The following RERE variants were observed in gnomAD, a reference collection of about 807,000 sequenced individuals.
RERE encodes arginine-glutamic acid dipeptide repeats protein.
RERE carries 40 observed loss-of-function variants against 146.1 expected under a neutral mutation model. The observed-to-expected ratio is 0.27, with a 90% CI of 0.21 to 0.36. The LOEUF is 0.36. RERE is among the 10% of genes least tolerant of loss of function. The probability of loss-of-function intolerance (pLI) is 1.00; values close to 1 mark genes in which losing one functional copy is unlikely to be tolerated. For synonymous variants in RERE, 1,003 were observed against 866.0 expected, an observed-to-expected ratio of 1.16 and a Z score of -2.78; for missense variants, 1,933 against 2,138.7, an observed-to-expected ratio of 0.90 and a Z score of 1.90.
At chr1:8,740,609 C>T (rs764915537) in intron 1 of RERE, among the ~76,000 whole-genome samples, 15 of 152,180 alleles carry the variant, frequency 9.9e-5, no homozygotes, top group Non-Finnish European at 4.4e-5. Flanking sequence ...TGCAGCTCTA[C>T]AAAGATATTT....
intron 1 of RERE, among the ~76,000 whole-genome samples, chr1:8,791,816 T>TAATA (rs1641368717): frequency 6.6e-6 from 1 of 152,284 alleles, no homozygotes; most frequent in African/African-American, 2.4e-5. Context: ...TATAACTCTT[T>TAATA]AAGAGTCAAA....
intron 15 of RERE, 91 bp downstream of exon 15, chr1:8,363,965 T>C (rs1357665800): frequency 8.2e-7 from 1 of 1,221,532 alleles, no homozygotes; most frequent in Admixed American, 1.9e-5. Flanking sequence ...TAAACAAGAC[T>C]TTCGCTTCCT....
At chr1:8,626,129 C>T (rs1004181198) in intron 2 of RERE, among the ~76,000 whole-genome samples, 1 of 152,180 alleles carries the variant, frequency 6.6e-6, no homozygotes, top group Non-Finnish European at 1.5e-5. Flanking sequence ...CAAGAGAATT[C>T]TTCCCACCAC....
At chr1:8,444,706 A>G (rs1644294641) in intron 11 of RERE, among the ~76,000 whole-genome samples, 1 of 152,140 alleles carries the variant, frequency 6.6e-6, no homozygotes, top group Non-Finnish European at 1.5e-5. Context: ...CTGTGCTTGC[A>G]ATAGTGAGTG....
At chr1:8,433,298 C>T (rs1644120260) in intron 11 of RERE, among the ~76,000 whole-genome samples, 1 of 152,170 alleles carries the variant, frequency 6.6e-6, no homozygotes, top group African/African-American at 2.4e-5. Context: ...TACAAAGAGA[C>T]AAGAGGAGGA....
intron 7 of RERE, among the ~76,000 whole-genome samples, chr1:8,510,552 G>C (rs1570367645): frequency 6.6e-6 from 1 of 152,294 alleles, no homozygotes; most frequent in South Asian, 2.1e-4. Flanking sequence ...GTATGTAAAG[G>C]AATCAAATCA....
intron 1 of RERE, among the ~76,000 whole-genome samples, chr1:8,705,678 G>A (rs1005466909): frequency 2.8e-4 from 43 of 152,248 alleles, no homozygotes; most frequent in African/African-American, 8.7e-4. Flanking sequence ...TGCTCATCAT[G>A]TAGATTTATG....
At chr1:8,733,556 A>T (rs556084194) in intron 1 of RERE, among the ~76,000 whole-genome samples, 1 of 152,334 alleles carries the variant, frequency 6.6e-6, no homozygotes, top group South Asian at 2.1e-4. Flanking sequence ...AGGCAGCCCT[A>T]TGAAGAGGTT....
chr1:8,567,666 G>A (rs1032258589), intron 4 of RERE, among the ~76,000 whole-genome samples: 2 of 152,204 alleles, frequency 1.3e-5, no homozygotes, highest in African/African-American at 4.8e-5. Context: ...ATTATATTGT[G>A]TATGAACACT....
In RERE at chr1:8,391,621, T is replaced by C. The variant is rs1480862200; in HGVS notation, c.1285-25647A>G. Among the ~76,000 whole-genome samples the C allele has an allele frequency of 2.6e-5, 4 of 152,008 alleles. No individual in the cohort carries two copies. The East Asian group carries it at 7.7e-4, about 29-fold the overall frequency. ...ACTGAAATATCTTCAGATATTCCTT[T>C]CTTAAGTTAGGTCCCCCTGTTATGA... On this transcript the variant is annotated intron_variant, in intron 12 of 22. Coordinates refer to ENST00000400908, the MANE Select transcript of RERE (RefSeq NM_001042681.2).
chr1:8,582,229 T>C (rs1308911768), intron 4 of RERE, among the ~76,000 whole-genome samples: 3 of 152,174 alleles, frequency 2.0e-5, no homozygotes, highest in African/African-American at 7.2e-5. Flanking sequence ...AGGGTCTTGC[T>C]GTGTTACCCA....
intron 12 of RERE, among the ~76,000 whole-genome samples, chr1:8,419,186 C>T (rs1643856004): frequency 6.6e-6 from 1 of 152,170 alleles, no homozygotes; most frequent in African/African-American, 2.4e-5. Context: ...ACAACCATGA[C>T]ACTAAAAGAT....
chr1:8,607,403 G>A (rs1007620687), intron 4 of RERE, among the ~76,000 whole-genome samples: 3 of 150,008 alleles, frequency 2.0e-5, no homozygotes, highest in Admixed American at 6.7e-5. Context: ...AAAATACTAC[G>A]ATATCCTAAA....
chr1:8,565,762 T>A (rs1258235047), intron 4 of RERE, among the ~76,000 whole-genome samples: 1 of 152,094 alleles, frequency 6.6e-6, no homozygotes, highest in Non-Finnish European at 1.5e-5. Context: ...CTATATATAT[T>A]ATCCATATAA....
chr1:8,813,362 A>G (rs568266288), intron 1 of RERE, among the ~76,000 whole-genome samples: 4 of 152,336 alleles, frequency 2.6e-5, no homozygotes, highest in Non-Finnish European at 4.4e-5. Context: ...ACTACTCTCA[A>G]AAGAACTTGG....
chr1:8,750,182 G>C lies in RERE; in HGVS notation c.-145+66978C>G, dbSNP rs564815222. On this transcript the variant is annotated intron_variant, in intron 1 of 22. Transcript: ENST00000400908. ...AAAAAAAAAAAAAGAATGGATTATA[G>C]AGTGATGAAAGTGGAAGACTGGAGA... Among the ~76,000 whole-genome samples, 40 of 146,002 alleles carry C rather than the reference G, an allele frequency of 2.7e-4. No homozygotes were observed. In the South Asian group the frequency reaches 8.7e-3, roughly 32 times the overall value.
chr1:8,551,295 T>C (rs569562484), intron 6 of RERE, among the ~76,000 whole-genome samples: 2 of 152,226 alleles, frequency 1.3e-5, no homozygotes, highest in African/African-American at 2.4e-5. Flanking sequence ...CCAGGTCACA[T>C]GTCCTCAGTC....
chr1:8,745,356 T>G (rs957189217), intron 1 of RERE, among the ~76,000 whole-genome samples: 1 of 152,214 alleles, frequency 6.6e-6, no homozygotes, highest in Non-Finnish European at 1.5e-5. Flanking sequence ...TAAACCTCTT[T>G]TCTTTATAAA....
chr1:8,607,522 T>TTATA (rs1274537900), intron 4 of RERE, among the ~76,000 whole-genome samples: 1 of 145,628 alleles, frequency 6.9e-6, no homozygotes, highest in East Asian at 2.1e-4. Flanking sequence ...ATATTTGTTT[T>TTATA]TATATATATT....
Sources: allele counts gnomAD v4.1 joint callset (sites outside exome capture counted in the v4.1 genomes callset), GRCh38; gene constraint gnomAD v4.1.1; transcripts MANE v1.5; gene names NCBI Gene and HGNC (gene_info 2026-07-23, HGNC 2026-07-21).